Variants in PPIP5K2 observed in about 807,000 individuals in gnomAD.
The protein encoded by PPIP5K2 is diphosphoinositol pentakisphosphate kinase 2, also known as inositol hexakisphosphate and diphosphoinositol-pentakisphosphate kinase 2.
A neutral mutation model predicts 154.6 loss-of-function variants in PPIP5K2; 105 were observed. That is an observed-to-expected ratio of 0.68 (90% CI 0.58 to 0.80). PPIP5K2 has a LOEUF of 0.80. PPIP5K2 is among the 30% of genes least tolerant of loss of function. The probability of loss-of-function intolerance (pLI) is 0.00; values close to 1 mark genes in which losing one functional copy is unlikely to be tolerated. For missense variants in PPIP5K2, 992 were observed against 1,504.6 expected (o/e 0.66, Z 5.64); for synonymous variants, 480 against 490.3 (o/e 0.98, Z 0.28).
chr5:103,141,613 C>G (rs1273371624), intron 5 of PPIP5K2, among the ~76,000 whole-genome samples: 2 of 152,142 alleles, frequency 1.3e-5, no homozygotes, highest in African/African-American at 4.8e-5. Flanking sequence ...CTCCACGTCC[C>G]CATCAGATTA....
chr5:103,131,806 T>G (rs1420444512), intron 2 of PPIP5K2, among the ~76,000 whole-genome samples: 2 of 152,192 alleles, frequency 1.3e-5, no homozygotes, highest in Non-Finnish European at 1.5e-5. Flanking sequence ...ATTATCTTCA[T>G]GATTTTAAGG....
intron 27 of PPIP5K2, among the ~76,000 whole-genome samples, chr5:103,186,756 TTTTA>T (rs1157587508): frequency 1.3e-5 from 2 of 152,174 alleles, no homozygotes; most frequent in Admixed American, 1.3e-4. Context: ...TCTTTTAAAC[TTTTA>T]TTTATTGTTA....
intron 24 of PPIP5K2, among the ~76,000 whole-genome samples, chr5:103,180,456 C>CT (rs1222824379): frequency 7.3e-5 from 11 of 150,418 alleles, no homozygotes; most frequent in African/African-American, 2.0e-4. Context: ...AAAATGAATG[C>CT]TTTTTTTTTG....
At chr5:103,188,885 C>G (rs374187272) in intron 28 of PPIP5K2, 1 of 299,514 alleles carries the variant, frequency 3.3e-6, no homozygotes, top group African/African-American at 2.2e-5. Context: ...GGGTTTTCCG[C>G]ACATACAAAT....
At chr5:103,154,038 T>A in intron 11 of PPIP5K2, 104 bp downstream of exon 11, 1 of 781,990 alleles carries the variant, frequency 1.3e-6, no homozygotes, top group Non-Finnish European at 2.0e-6. Flanking sequence ...AACTTTTATC[T>A]ACTGTCTCTT....
chr5:103,140,259 A>G (rs1792332566), intron 5 of PPIP5K2, among the ~76,000 whole-genome samples: 1 of 152,194 alleles, frequency 6.6e-6, no homozygotes, highest in South Asian at 2.1e-4. Flanking sequence ...ATAAGCAATA[A>G]CAGAACTTTC....
intron 24 of PPIP5K2, among the ~76,000 whole-genome samples, chr5:103,180,898 T>C (rs1799433453): frequency 2.3e-5 from 2 of 87,692 alleles, no homozygotes; most frequent in Admixed American, 2.3e-4. Context: ...GCTTTAGCAA[T>C]AACTGATTCA....
chr5:103,168,447 G>A, intron 19 of PPIP5K2, 152 bp downstream of exon 19: 4 of 625,970 alleles, frequency 6.4e-6, no homozygotes, highest in Non-Finnish European at 1.1e-5. Context: ...ATATTTTAAG[G>A]TTTTTATGGT....
At chr5:103,174,378 C>T (rs1262727407) in intron 21 of PPIP5K2, among the ~76,000 whole-genome samples, 1 of 152,022 alleles carries the variant, frequency 6.6e-6, no homozygotes, top group Admixed American at 6.6e-5. Context: ...CTTAAAACAA[C>T]CACAGTCATT....
rs373679360 is a variant in PPIP5K2 at position 103,175,919 on chromosome 5, T to G, written c.2530-1748T>G. Among the ~76,000 whole-genome samples the G allele has an allele frequency of 3.3e-5, 5 of 152,168 alleles. No individual in the cohort carries two copies. The South Asian group carries it at 1.0e-3, about 32-fold the overall frequency. Reference sequence around the variant, plus strand: ...GTATTTACTAAGATGAAAATTAAAGTCTGCCAAAATGTTTTGTTTTCATTA... The same window carrying G: ...GTATTTACTAAGATGAAAATTAAAGGCTGCCAAAATGTTTTGTTTTCATTA... On this transcript the variant is annotated intron_variant, in intron 21 of 30. Coordinates refer to ENST00000358359, the MANE Select transcript of PPIP5K2 (RefSeq NM_001276277.3).
At chr5:103,137,803 A>G (rs1791799246) in intron 4 of PPIP5K2, among the ~76,000 whole-genome samples, 1 of 152,184 alleles carries the variant, frequency 6.6e-6, no homozygotes, top group African/African-American at 2.4e-5. Flanking sequence ...CTCTACATTT[A>G]CATATTAATT....
intron 6 of PPIP5K2, among the ~76,000 whole-genome samples, chr5:103,147,266 A>ATCTC (rs1554209492): frequency 1.3e-5 from 2 of 151,942 alleles, no homozygotes; most frequent in African/African-American, 2.4e-5. Context: ...TGGCAATTCA[A>ATCTC]ATTAAGAACA....
chr5:103,165,649 G>A (rs1339187336), intron 17 of PPIP5K2, among the ~76,000 whole-genome samples: 1 of 152,038 alleles, frequency 6.6e-6, no homozygotes, highest in Non-Finnish European at 1.5e-5. Context: ...TGAAATCATT[G>A]ACACTTTACA....
chr5:103,121,590 G>T (rs1330823912), intron 1 of PPIP5K2, among the ~76,000 whole-genome samples: 2 of 152,030 alleles, frequency 1.3e-5, no homozygotes, highest in South Asian at 2.1e-4. Context: ...AAAAATTTTG[G>T]TGTACCTACT....
chr5:103,129,721 C>T lies in PPIP5K2; in HGVS notation c.114+18C>T, dbSNP rs1790302529. On this transcript the variant is annotated intron_variant, in intron 2 of 30. Transcript: ENST00000358359. ...ATGATTCTGTAAGTTGTTTGTTTTT[C>T]CTTTGGCGAGAGAAGACCAATACAG... The T allele has an allele frequency of 6.3e-7, 1 of 1,587,158 alleles. No homozygotes were observed. Among genetic ancestry groups the T allele is most frequent in the Non-Finnish European group, 8.5e-7 (1 of 1,170,838 alleles).
intron 5 of PPIP5K2, among the ~76,000 whole-genome samples, chr5:103,143,388 G>T (rs1459713744): frequency 6.6e-6 from 1 of 152,276 alleles, no homozygotes; most frequent in African/African-American, 2.4e-5. Context: ...ATCTCACTGT[G>T]TAGCCCAGGC....
chr5:103,131,570 G>A (rs1554202709), intron 2 of PPIP5K2, among the ~76,000 whole-genome samples: 1 of 152,090 alleles, frequency 6.6e-6, no homozygotes. Flanking sequence ...GTTAAGGACA[G>A]GTAATTCTGT....
At chr5:103,122,047 G>A (rs192950720) in intron 1 of PPIP5K2, among the ~76,000 whole-genome samples, 39 of 152,274 alleles carry the variant, frequency 2.6e-4, no homozygotes, top group African/African-American at 8.2e-4. Flanking sequence ...GTTGAAGTGT[G>A]TTGATATCTA....
At chr5:103,147,474 T>G (rs753182967) in intron 6 of PPIP5K2, among the ~76,000 whole-genome samples, 3 of 152,010 alleles carry the variant, frequency 2.0e-5, no homozygotes, top group Non-Finnish European at 4.4e-5. Context: ...GCAGTTCCAC[T>G]TTTATTATAT....
Sources: gnomAD v4.1 joint callset for allele counts (sites outside exome capture counted in the v4.1 genomes callset) on GRCh38, gnomAD v4.1.1 for gene constraint, MANE v1.5 for transcripts, NCBI Gene and HGNC (gene_info 2026-07-23, HGNC 2026-07-21) for gene names.